PYHIN1: variants seen among roughly 807,000 people sequenced by gnomAD.
PYHIN1 encodes pyrin and HIN domain family member 1.
In PYHIN1, 32 loss-of-function variants were observed where a neutral mutation model predicts 43.7. The observed-to-expected ratio is 0.73, with a 90% CI of 0.55 to 0.98. PYHIN1 has a LOEUF of 0.98. Ranked by LOEUF, PYHIN1 falls within the 50% of genes least tolerant of loss-of-function variation. The pLI is 0.00. For missense variants in PYHIN1, 588 were observed against 589.5 expected, an observed-to-expected ratio of 1.00 and a Z score of 0.03; for synonymous variants, 205 against 203.1, an observed-to-expected ratio of 1.01 and a Z score of -0.08.
At position 158,944,873 on chromosome 1, in the gene PYHIN1, A is replaced by C; in HGVS notation, c.1192-2A>C. 6.4e-7 allele frequency: 1 copy of C among 1,560,608 alleles called. No individual in the cohort carries two copies. The highest frequency in any genetic ancestry group is 8.6e-7 in the Non-Finnish European group (1 of 1,157,632). On this transcript the variant is annotated splice_acceptor_variant, in intron 6 of 8. Coordinates refer to ENST00000368140, the MANE Select transcript of PYHIN1 (RefSeq NM_152501.5). LOFTEE classifies it high-confidence loss of function. ...ATTAAACAAAAAAATGAATACTTTC[A>C]GATACAGAAAAATACAAACCAGAGA...
chr1:158,966,173 C>T (rs1443965367), intron 7 of PYHIN1, among the ~76,000 whole-genome samples: 1 of 152,018 alleles, frequency 6.6e-6, no homozygotes, highest in Admixed American at 6.6e-5. Context: ...AAGACTAACC[C>T]AGGAGGAAAC....
chr1:158,959,195 A>G (rs1394320139), intron 7 of PYHIN1, among the ~76,000 whole-genome samples: 1 of 148,698 alleles, frequency 6.7e-6, no homozygotes, highest in Non-Finnish European at 1.5e-5. Flanking sequence ...ACGGATGAAT[A>G]ACAGACACTG....
At chr1:158,952,768 G>A (rs180673276) in intron 7 of PYHIN1, among the ~76,000 whole-genome samples, 24 of 152,338 alleles carry the variant, frequency 1.6e-4, no homozygotes, top group Admixed American at 4.6e-4. Flanking sequence ...GGCCGAACAG[G>A]AATAGCTCCC....
chr1:158,953,440 AC>A (rs1649706099), intron 7 of PYHIN1, among the ~76,000 whole-genome samples: 4 of 150,246 alleles, frequency 2.7e-5, no homozygotes, highest in Admixed American at 2.7e-4. Context: ...GGGGTCCCTG[AC>A]CCCTGACCCC....
chr1:158,945,212 G>T, intron 7 of PYHIN1, 170 bp downstream of exon 7: 2 of 590,308 alleles, frequency 3.4e-6, no homozygotes. Flanking sequence ...CCACATGATA[G>T]TCTTTGCTAT....
intron 1 of PYHIN1, among the ~76,000 whole-genome samples, chr1:158,936,559 C>T (rs893961328): frequency 3.9e-5 from 6 of 152,190 alleles, no homozygotes; most frequent in Admixed American, 1.3e-4. Flanking sequence ...AATCAATAAA[C>T]GTAATCCAGC....
chr1:158,944,182 T>C (rs780652973), intron 6 of PYHIN1, among the ~76,000 whole-genome samples: 1 of 152,132 alleles, frequency 6.6e-6, no homozygotes, highest in Non-Finnish European at 1.5e-5. Context: ...CAAAAAGACA[T>C]GAAACTTGTG....
rs1648171665 is a variant in PYHIN1 at position 158,931,696 on chromosome 1, T to C, written c.-101T>C. Reference sequence around the variant, plus strand: ...TTTCTGAGAGCTTTACTGACTGATTTCCCTATTCAAAACAATCCTCATTTC... The same window carrying C: ...TTTCTGAGAGCTTTACTGACTGATTCCCCTATTCAAAACAATCCTCATTTC... On this transcript the variant is annotated 5_prime_UTR_variant, in exon 1 of 9. Transcript: ENST00000368140. The C allele has an allele frequency of 1.3e-5, 2 of 152,218 alleles. No homozygotes were observed. The highest frequency in any genetic ancestry group is 2.9e-5 in the Non-Finnish European group (2 of 68,044). The allele number at this position is 152,218 out of a possible 1,614,324, so 9.4% of individuals were successfully genotyped here. A position where few individuals can be genotyped will look rare whatever the true frequency, so the allele number is the denominator to read the frequency against.
Position 158,973,711 on chromosome 1 carries a change from T to G in PYHIN1, c.1424T>G (p.Val475Gly). The G allele has an allele frequency of 1.9e-6, 3 of 1,613,276 alleles. No individual in the cohort carries two copies. The highest frequency in any genetic ancestry group is 2.5e-6 in the Non-Finnish European group (3 of 1,179,524). Residue 475 changes from valine (V) to glycine (G), a missense_variant, in exon 8 of 9, where the codon GTG (valine) becomes GGG (glycine). By Grantham distance (109) the Val-to-Gly change is moderately radical. Transcript: ENST00000368140. ...AACTTTAGAATCACCTCACCAACTG[T>G]GGCCCCTCCTCTTTCTTCTGACACT... ...PANFRITSPT[V>G]APPLSSDTST...
chr1:158,947,947 C>T (rs1282090331), intron 7 of PYHIN1, among the ~76,000 whole-genome samples: 1 of 152,222 alleles, frequency 6.6e-6, no homozygotes, highest in Non-Finnish European at 1.5e-5. Context: ...AGCCATAGCC[C>T]TATCTTGAGA....
At chr1:158,976,662 C>A (rs766332845) in intron 8 of PYHIN1, 39 bp from the exon 9 acceptor site, 2 of 1,527,062 alleles carry the variant, frequency 1.3e-6, no homozygotes, top group African/African-American at 1.4e-5. Flanking sequence ...TGACTCCCTG[C>A]ATCTCAACGG....
At chr1:158,971,988 A>G (rs997010277) in intron 7 of PYHIN1, among the ~76,000 whole-genome samples, 6 of 152,088 alleles carry the variant, frequency 3.9e-5, no homozygotes, top group Admixed American at 1.3e-4. Context: ...ATAAATTAAA[A>G]AATCAAACCA....
chr1:158,932,622 T>C (rs955100432), intron 1 of PYHIN1, among the ~76,000 whole-genome samples: 1 of 152,196 alleles, frequency 6.6e-6, no homozygotes, highest in African/African-American at 2.4e-5. Flanking sequence ...TAAATAATAT[T>C]ATTCTACAAG....
Position 158,937,175 on chromosome 1 carries a change from G to C in PYHIN1, c.265G>C (p.Val89Leu), listed in dbSNP as rs369613115. 42 of 1,571,780 alleles carry C rather than the reference G, an allele frequency of 2.7e-5. No individual in the cohort carries two copies. Among genetic ancestry groups the C allele is most frequent in the Non-Finnish European group, 3.4e-5 (39 of 1,161,800 alleles). ...AETLKREKLK[V>L]ANKIESIPVK... Reference sequence around the variant, plus strand: ...AACTCTTAAAAGAGAAAAGTTAAAAGGTAATTGGGAAGAGGGAACACCCAC... The same window carrying C: ...AACTCTTAAAAGAGAAAAGTTAAAACGTAATTGGGAAGAGGGAACACCCAC... The change falls in exon 2 of 9, where the codon GTT becomes CTT. Residue 89 changes from valine (V) to leucine (L), a missense_variant and splice_region_variant. By Grantham distance (32) the Val-to-Leu change is conservative. Transcript: ENST00000368140.
chr1:158,934,905 T>C (rs780299114), intron 1 of PYHIN1, among the ~76,000 whole-genome samples: 3 of 152,180 alleles, frequency 2.0e-5, no homozygotes, highest in Non-Finnish European at 4.4e-5. Flanking sequence ...AACTTTTGTA[T>C]TTTTAGTAGA....
chr1:158,974,898 A>G (rs779677017), intron 8 of PYHIN1, among the ~76,000 whole-genome samples: 1 of 152,084 alleles, frequency 6.6e-6, no homozygotes, highest in Non-Finnish European at 1.5e-5. Context: ...ATAATTGAAC[A>G]TCCCAGGACA....
intron 7 of PYHIN1, among the ~76,000 whole-genome samples, chr1:158,971,707 A>G (rs1020377473): frequency 1.3e-5 from 2 of 151,998 alleles, no homozygotes; most frequent in African/African-American, 4.8e-5. Flanking sequence ...TTTGGCTAAC[A>G]TTGTTCTGAA....
At chr1:158,959,743 G>A (rs528246267) in intron 7 of PYHIN1, among the ~76,000 whole-genome samples, 104 of 152,234 alleles carry the variant, frequency 6.8e-4, no homozygotes, top group African/African-American at 2.2e-3. Flanking sequence ...TCATGATAGC[G>A]TTTGAACAAC....
At chr1:158,983,860 A>G in the PYHIN1 span, among the ~76,000 whole-genome samples, 1 of 152,008 alleles carries the variant, frequency 6.6e-6, no homozygotes, top group Non-Finnish European at 1.5e-5. Flanking sequence ...TCCTGGTTCA[A>G]TCTTGGCAGG....
Sources: allele counts gnomAD v4.1 joint callset (sites outside exome capture counted in the v4.1 genomes callset), GRCh38; gene constraint gnomAD v4.1.1; transcripts MANE v1.5; gene names NCBI Gene and HGNC (gene_info 2026-07-23, HGNC 2026-07-21).